The following PPP2R2C variants were observed in gnomAD, a reference collection of about 807,000 sequenced individuals.
The protein encoded by PPP2R2C is protein phosphatase 2 regulatory subunit Bgamma.
In PPP2R2C, 10 loss-of-function variants were observed where a neutral mutation model predicts 45.3. That is an observed-to-expected ratio of 0.22 (90% CI 0.14 to 0.37). PPP2R2C has a LOEUF of 0.37. Ranked by LOEUF, PPP2R2C falls within the 10% of genes least tolerant of loss-of-function variation. PPP2R2C has a pLI of 1.00. For synonymous variants in PPP2R2C, 257 were observed against 245.4 expected, an observed-to-expected ratio of 1.05 and a Z score of -0.44; for missense variants, 308 against 619.7, an observed-to-expected ratio of 0.50 and a Z score of 5.34.
chr4:6,338,596 C>T (rs576976324), intron 6 of PPP2R2C, among the ~76,000 whole-genome samples: 1 of 152,264 alleles, frequency 6.6e-6, no homozygotes, highest in Admixed American at 6.5e-5. Flanking sequence ...CCAGTGCCCA[C>T]AGGATCAAGG....
chr4:6,335,468 T>G (rs903033921), intron 6 of PPP2R2C, among the ~76,000 whole-genome samples: 1 of 149,516 alleles, frequency 6.7e-6, no homozygotes. Context: ...GAGAAAGGAG[T>G]GAGCAGGGGG....
At chr4:6,554,930 GGAAAGAAAGAAAGAAAGAAAGAAA>G (rs71173447) in intron 1 of PPP2R2C, among the ~76,000 whole-genome samples, 1 of 116,122 alleles carries the variant, frequency 8.6e-6, no homozygotes, top group South Asian at 2.7e-4. Flanking sequence ...AAGGAAGGAA[GGAAAGAAAGAAAGAAAGAAAGAAA>G]GAAAGAAAGA....
chr4:6,359,642 A>C (rs905692414), intron 5 of PPP2R2C, among the ~76,000 whole-genome samples: 2 of 151,014 alleles, frequency 1.3e-5, no homozygotes, highest in African/African-American at 4.9e-5. Flanking sequence ...AAAAAAAGAA[A>C]CTCCTTCATC....
intron 2 of PPP2R2C, among the ~76,000 whole-genome samples, chr4:6,483,597 G>A (rs541746319): frequency 9.2e-5 from 14 of 152,110 alleles, no homozygotes; most frequent in African/African-American, 3.1e-4. Context: ...TGTCTGTTCA[G>A]ACATTTTGTC....
chr4:6,335,136 C>T (rs1358651214), intron 6 of PPP2R2C, among the ~76,000 whole-genome samples: 1 of 152,202 alleles, frequency 6.6e-6, no homozygotes, highest in Non-Finnish European at 1.5e-5. Context: ...CTGTGCCAGG[C>T]CCTGGGATGA....
chr4:6,368,626 G>C lies in PPP2R2C; in HGVS notation c.625+3897C>G, dbSNP rs1233673535. ...CCCTTTTCTTCTTTACAGCCAACCT[G>C]TCTGAATGTCTTGTGGCCACCCCGA... On this transcript the variant is annotated intron_variant, in intron 5 of 8. Transcript: ENST00000382599. The surrounding 1 kb of genome is among the most constrained non-coding windows in gnomAD (Gnocchi z 4.2). Among the ~76,000 whole-genome samples, 2 of 152,100 alleles carry C rather than the reference G, an allele frequency of 1.3e-5. No homozygotes were observed. The highest frequency in any genetic ancestry group is 2.9e-5 in the Non-Finnish European group (2 of 68,022).
chr4:6,414,072 G>C lies in PPP2R2C; in HGVS notation c.71-32978C>G, dbSNP rs906367439. Reference sequence around the variant, plus strand: ...TGGGACAGTAACATAAGTTTTGCCTGTGTATGTGTGTGTGTGTGTGTGTGT... The same window carrying C: ...TGGGACAGTAACATAAGTTTTGCCTCTGTATGTGTGTGTGTGTGTGTGTGT... On this transcript the variant is annotated intron_variant, in intron 1 of 8. Coordinates refer to ENST00000382599, the MANE Select transcript of PPP2R2C (RefSeq NM_020416.4). 54 of 1,136,196 alleles carry C rather than the reference G, an allele frequency of 4.8e-5. No individual in the cohort carries two copies. In the East Asian group the frequency reaches 9.8e-4, roughly 21 times the overall value. The allele number at this position is 1,136,196 out of a possible 1,614,324, so 70.4% of individuals were successfully genotyped here.
At chr4:6,529,200 C>A (rs1724314167) in intron 2 of PPP2R2C, among the ~76,000 whole-genome samples, 1 of 152,212 alleles carries the variant, frequency 6.6e-6, no homozygotes, top group Non-Finnish European at 1.5e-5. Context: ...AAGCAGAGGC[C>A]TAGTCAGCCA....
chr4:6,354,647 C>T (rs968363054), intron 5 of PPP2R2C, among the ~76,000 whole-genome samples: 11 of 147,984 alleles, frequency 7.4e-5, no homozygotes, highest in African/African-American at 2.8e-4. Flanking sequence ...CGGTCATTTG[C>T]CCCCCACCCC....
chr4:6,339,744 G>A (rs916599969), intron 6 of PPP2R2C, among the ~76,000 whole-genome samples: 1 of 152,206 alleles, frequency 6.6e-6, no homozygotes, highest in Admixed American at 6.5e-5. Context: ...TGGCCTGGAG[G>A]GGGAGGGGCC....
At chr4:6,432,034 T>C (rs1351533587) in intron 1 of PPP2R2C, among the ~76,000 whole-genome samples, 1 of 152,212 alleles carries the variant, frequency 6.6e-6, no homozygotes, top group East Asian at 1.9e-4. Flanking sequence ...CTTCATGACC[T>C]GACCACCTCC....
chr4:6,401,197 G>A (rs1717388002), intron 1 of PPP2R2C, among the ~76,000 whole-genome samples: 1 of 152,052 alleles, frequency 6.6e-6, no homozygotes, highest in South Asian at 2.1e-4. Context: ...CAGCTTGCCT[G>A]CCCCTCTGAG....
chr4:6,544,900 T>C (rs1724928208), intron 1 of PPP2R2C, among the ~76,000 whole-genome samples: 1 of 152,256 alleles, frequency 6.6e-6, no homozygotes, highest in African/African-American at 2.4e-5. Flanking sequence ...TATTTTGTGT[T>C]GCTCCTACTG....
At chr4:6,511,525 A>ATGG (rs758738312) in intron 2 of PPP2R2C, among the ~76,000 whole-genome samples, 3 of 4,658 alleles carry the variant, frequency 6.4e-4, no homozygotes, top group African/African-American at 2.0e-3. Flanking sequence ...GGTGGTGGTG[A>ATGG]TGGTGGTGGT....
intron 2 of PPP2R2C, among the ~76,000 whole-genome samples, chr4:6,480,918 T>A (rs1413367230): frequency 1.3e-5 from 2 of 152,258 alleles, no homozygotes; most frequent in East Asian, 3.8e-4. Flanking sequence ...TGTTTGGGAA[T>A]CTTTCCACTT....
chr4:6,378,685 G>T lies in PPP2R2C; in HGVS notation c.169-113C>A, dbSNP rs1715543069. On this transcript the variant is annotated intron_variant, in intron 2 of 8. Transcript: ENST00000382599. This position sits in a 1 kb window ranked among gnomAD's most constrained non-coding sequence, Gnocchi z 5.2. ...GGGACCAAGTGCCGAGCCGTGCCAG[G>T]GATCCAATTCGAGGGTCAAATGAAA... 2 of 1,157,024 alleles carry T rather than the reference G, an allele frequency of 1.7e-6. No individual in the cohort carries two copies. Among genetic ancestry groups the T allele is most frequent in the Non-Finnish European group, 2.5e-6 (2 of 815,410 alleles). 71.7% of individuals were successfully genotyped at this position (1,157,024 alleles called of 1,614,324 possible).
chr4:6,429,051 G>A (rs1038050519), intron 1 of PPP2R2C, among the ~76,000 whole-genome samples: 2 of 152,198 alleles, frequency 1.3e-5, no homozygotes, highest in African/African-American at 4.8e-5. Context: ...CTGCACCTCT[G>A]CCATTATAGC....
intron 1 of PPP2R2C, among the ~76,000 whole-genome samples, chr4:6,560,817 T>C (rs924311427): frequency 3.3e-5 from 5 of 152,240 alleles, no homozygotes; most frequent in Non-Finnish European, 7.3e-5. Flanking sequence ...CAATGTCTGA[T>C]GGAACAGCAG....
intron 1 of PPP2R2C, among the ~76,000 whole-genome samples, chr4:6,462,716 G>T (rs1434138123): frequency 6.6e-6 from 1 of 152,176 alleles, no homozygotes; most frequent in African/African-American, 2.4e-5. Flanking sequence ...TTTGTGAGGT[G>T]GGATAACAGC....
Sources: gnomAD v4.1 joint callset for allele counts (sites outside exome capture counted in the v4.1 genomes callset) on GRCh38, gnomAD v4.1.1 for gene constraint, Gnocchi (gnomAD v3.1) non-coding constraint, MANE v1.5 for transcripts, NCBI Gene and HGNC (gene_info 2026-07-23, HGNC 2026-07-21) for gene names.